The following HCN1 variants were observed in gnomAD, a reference collection of about 807,000 sequenced individuals.
HCN1 encodes potassium/sodium hyperpolarization-activated cyclic nucleotide-gated channel 1.
Under a neutral mutation model 78.9 loss-of-function variants are expected in HCN1, and 13 were observed. The observed-to-expected ratio is 0.16, with a 90% CI of 0.11 to 0.26. The LOEUF is 0.26. Ranked by LOEUF, HCN1 falls within the 10% of genes least tolerant of loss-of-function variation. The probability of loss-of-function intolerance (pLI) is 1.00; values close to 1 mark genes in which losing one functional copy is unlikely to be tolerated. For synonymous variants in HCN1, 552 were observed against 455.5 expected (o/e 1.21, Z -2.70); for missense variants, 810 against 1,154.3 (o/e 0.70, Z 4.32).
At chr5:45,682,270 TAC>T (rs1354447721) in intron 1 of HCN1, among the ~76,000 whole-genome samples, 10 of 116,890 alleles carry the variant, frequency 8.6e-5, no homozygotes, top group African/African-American at 2.9e-4. Flanking sequence ...TATATATATA[TAC>T]ATATATATAT....
intron 2 of HCN1, among the ~76,000 whole-genome samples, chr5:45,531,057 T>TAC (rs34789584): frequency 0.052 from 7,506 of 144,146 alleles, 210 homozygotes; most frequent in African/African-American, 0.067. Flanking sequence ...CTAACACACA[T>TAC]ACACACACAC....
chr5:45,617,077 T>C (rs78694495), intron 2 of HCN1, among the ~76,000 whole-genome samples: 1,830 of 152,116 alleles, frequency 0.012, 27 homozygotes, highest in Non-Finnish European at 0.015. Flanking sequence ...AATCAAATTT[T>C]GAAAAACAGA....
At chr5:45,556,466 T>C (rs963944972) in intron 2 of HCN1, among the ~76,000 whole-genome samples, 1 of 152,028 alleles carries the variant, frequency 6.6e-6, no homozygotes, top group African/African-American at 2.4e-5. Flanking sequence ...ATTAGTCATA[T>C]TTCACCATGA....
intron 2 of HCN1, among the ~76,000 whole-genome samples, chr5:45,631,061 T>C (rs1459424587): frequency 2.6e-5 from 4 of 152,090 alleles, no homozygotes; most frequent in Non-Finnish European, 5.9e-5. Context: ...AAAACATCCA[T>C]GAGAGAAAAA....
chr5:45,322,069 G>A (rs150908242), intron 5 of HCN1, among the ~76,000 whole-genome samples: 1 of 151,970 alleles, frequency 6.6e-6, no homozygotes, highest in Non-Finnish European at 1.5e-5. Context: ...TGGTAAATAA[G>A]CATCCTGGTT....
At chr5:45,612,698 G>A (rs1561220002) in intron 2 of HCN1, among the ~76,000 whole-genome samples, 1 of 152,134 alleles carries the variant, frequency 6.6e-6, no homozygotes, top group Non-Finnish European at 1.5e-5. Context: ...AAGAGTACAT[G>A]TCTCAAAGCC....
intron 5 of HCN1, among the ~76,000 whole-genome samples, chr5:45,305,003 C>A (rs1473490847): frequency 2.6e-5 from 4 of 152,036 alleles, no homozygotes. Flanking sequence ...TACATTTTTG[C>A]CACAAAGCCA....
chr5:45,374,300 T>A (rs1470593903), intron 4 of HCN1, among the ~76,000 whole-genome samples: 6 of 92,678 alleles, frequency 6.5e-5, no homozygotes, highest in African/African-American at 9.2e-5. Context: ...TTATATATAT[T>A]GTATACATTA....
At chr5:45,638,256 T>C (rs1271480444) in intron 2 of HCN1, among the ~76,000 whole-genome samples, 2 of 152,184 alleles carry the variant, frequency 1.3e-5, no homozygotes, top group Non-Finnish European at 2.9e-5. Flanking sequence ...TTTGTAGATG[T>C]CACTGAGTCA....
chr5:45,331,140 G>T (rs1043545695), intron 5 of HCN1, among the ~76,000 whole-genome samples: 2 of 151,148 alleles, frequency 1.3e-5, no homozygotes, highest in African/African-American at 4.8e-5. Context: ...GGTAGACATG[G>T]CTCACATTTA....
intron 3 of HCN1, among the ~76,000 whole-genome samples, chr5:45,453,205 A>C (rs1017656843): frequency 2.0e-5 from 3 of 152,114 alleles, no homozygotes; most frequent in African/African-American, 7.2e-5. Flanking sequence ...GAGAAAGTTC[A>C]TATGAATTGC....
chr5:45,331,988 G>C (rs1391266406), intron 5 of HCN1, among the ~76,000 whole-genome samples: 4 of 151,460 alleles, frequency 2.6e-5, no homozygotes, highest in Non-Finnish European at 5.9e-5. Flanking sequence ...TAAGTCAACT[G>C]GGGGGATATT....
intron 2 of HCN1, among the ~76,000 whole-genome samples, chr5:45,534,770 TA>T (rs1742933878): frequency 6.6e-6 from 1 of 152,222 alleles, no homozygotes; most frequent in Non-Finnish European, 1.5e-5. Context: ...GCTAACCTTA[TA>T]TTTTGAATTC....
intron 3 of HCN1, among the ~76,000 whole-genome samples, chr5:45,437,657 T>G (rs753379384): frequency 3.9e-5 from 6 of 152,084 alleles, no homozygotes; most frequent in Non-Finnish European, 5.9e-5. Flanking sequence ...CTGGAGTCAG[T>G]GAAGAAGAGA....
intron 2 of HCN1, among the ~76,000 whole-genome samples, chr5:45,566,608 G>A (rs1262715151): frequency 6.6e-6 from 1 of 152,042 alleles, no homozygotes; most frequent in South Asian, 2.1e-4. Context: ...GAAATTGATA[G>A]TAATTTTTTT....
At chr5:45,429,153 C>T (rs1382188699) in intron 3 of HCN1, among the ~76,000 whole-genome samples, 1 of 152,090 alleles carries the variant, frequency 6.6e-6, no homozygotes, top group Non-Finnish European at 1.5e-5. Flanking sequence ...CTGAGAATCA[C>T]AGAATTTATA....
intron 4 of HCN1, among the ~76,000 whole-genome samples, chr5:45,364,072 C>T (rs1389769480): frequency 1.3e-5 from 2 of 152,088 alleles, no homozygotes; most frequent in Non-Finnish European, 2.9e-5. Context: ...AGCCCTTCCT[C>T]CTAAGACATC....
At chr5:45,290,633 A>G (rs1026368718) in intron 6 of HCN1, among the ~76,000 whole-genome samples, 3 of 152,102 alleles carry the variant, frequency 2.0e-5, no homozygotes, top group Admixed American at 6.6e-5. Context: ...TATAAAACTT[A>G]TTCAATTAAA....
At chr5:45,639,744 C>T (rs539516495) in intron 2 of HCN1, among the ~76,000 whole-genome samples, 1 of 152,248 alleles carries the variant, frequency 6.6e-6, no homozygotes, top group Admixed American at 6.5e-5. Context: ...TTGACACCGA[C>T]TGCATACAAA....
Sources: gnomAD v4.1 joint callset for allele counts (sites outside exome capture counted in the v4.1 genomes callset) on GRCh38, gnomAD v4.1.1 for gene constraint, MANE v1.5 for transcripts, NCBI Gene and HGNC (gene_info 2026-07-23, HGNC 2026-07-21) for gene names.